Variants in ATF7IP observed in about 807,000 individuals in gnomAD.
ATF7IP encodes the protein activating transcription factor 7-interacting protein 1.
In ATF7IP, 23 loss-of-function variants were observed where a neutral mutation model predicts 106.4. The observed-to-expected ratio is 0.22, with a 90% CI of 0.16 to 0.31. The LOEUF (loss-of-function observed/expected upper bound fraction) is 0.31. ATF7IP is among the 10% of genes least tolerant of loss of function. The pLI, the probability that ATF7IP is intolerant of heterozygous loss-of-function variation, is 1.00. For missense variants in ATF7IP, 1,334 were observed against 1,524.3 expected (o/e 0.88, Z 2.08); for synonymous variants, 542 against 539.0 (o/e 1.01, Z -0.08).
chr12:14,496,492 T>G, intron 14 of ATF7IP, 149 bp downstream of exon 14: 1 of 596,046 alleles, frequency 1.7e-6, no homozygotes, highest in East Asian at 2.9e-5. Flanking sequence ...AAATTGATCT[T>G]ACCATTATGA....
At chr12:14,438,368 T>G in intron 5 of ATF7IP, 101 bp downstream of exon 5, 1 of 1,135,908 alleles carries the variant, frequency 8.8e-7, no homozygotes, top group Non-Finnish European at 1.2e-6. Context: ...ACATTTAAAT[T>G]CTAAATGTAA....
intron 4 of ATF7IP, among the ~76,000 whole-genome samples, chr12:14,436,696 AAAT>A (rs1403693925): frequency 1.3e-5 from 2 of 152,164 alleles, no homozygotes; most frequent in Non-Finnish European, 2.9e-5. Flanking sequence ...CATCTCAAAA[AAAT>A]AATAAATAAA....
intron 1 of ATF7IP, among the ~76,000 whole-genome samples, chr12:14,409,449 T>A (rs1051629832): frequency 6.6e-6 from 1 of 152,174 alleles, no homozygotes; most frequent in African/African-American, 2.4e-5. Context: ...CTTTCTAGTC[T>A]TTCTGGTAAA....
chr12:14,421,200 C>T (rs192913883), intron 1 of ATF7IP, among the ~76,000 whole-genome samples: 1 of 152,158 alleles, frequency 6.6e-6, no homozygotes, highest in East Asian at 1.9e-4. Context: ...TCCTTGTATT[C>T]TTAGTTTCTG....
At chr12:14,386,528 C>CT (rs34326949) in intron 1 of ATF7IP, among the ~76,000 whole-genome samples, 2 of 151,992 alleles carry the variant, frequency 1.3e-5, no homozygotes, top group Non-Finnish European at 2.9e-5. Flanking sequence ...AAAACAGAAA[C>CT]TTTTTGCATG....
chr12:14,370,724 A>T (rs2136392358), intron 1 of ATF7IP, among the ~76,000 whole-genome samples: 1 of 152,210 alleles, frequency 6.6e-6, no homozygotes, highest in African/African-American at 2.4e-5. Context: ...TGCAGCTATA[A>T]TTTTAGTAGG....
chr12:14,397,329 A>T (rs1303472115), intron 1 of ATF7IP, among the ~76,000 whole-genome samples: 1 of 152,234 alleles, frequency 6.6e-6, no homozygotes, highest in Non-Finnish European at 1.5e-5. Context: ...TTAAGAAAGA[A>T]AATGTATTTA....
rs1943608158 is a variant in ATF7IP, at chr12:14,460,823, C to T, written c.2487C>T (p.Thr829=). The T allele has an allele frequency of 2.5e-6, 4 of 1,614,028 alleles. No individual in the cohort carries two copies. The highest frequency in any genetic ancestry group is 3.4e-6 in the Non-Finnish European group (4 of 1,180,032). The part of the protein sequence containing the change: ...VQSPPTVSGL[T]KNPVSLPSLP... ...GCCCACCTACAGTGAGTGGTCTTAC[C>T]AAAAATCCAGTATCCTTGCCATCCT... Residue 829 remains threonine (T), a synonymous_variant, in exon 9 of 15, where the codon ACC becomes ACT. Transcript: ENST00000261168.
At chr12:14,490,956 T>C (rs1456278509) in intron 13 of ATF7IP, among the ~76,000 whole-genome samples, 2 of 152,128 alleles carry the variant, frequency 1.3e-5, no homozygotes, top group East Asian at 3.9e-4. Context: ...AAAGCCCCTT[T>C]AACAGGCCAA....
At chr12:14,378,916 G>A (rs961054068) in intron 1 of ATF7IP, among the ~76,000 whole-genome samples, 1 of 152,126 alleles carries the variant, frequency 6.6e-6, no homozygotes, top group African/African-American at 2.4e-5. Context: ...CAGGTATGGT[G>A]GCAGCAAAAA....
Position 14,460,910 on chromosome 12 carries a change from C to G in ATF7IP, c.2574C>G (p.Asn858Lys). 1 of 1,614,170 alleles carries G rather than the reference C, an allele frequency of 6.2e-7. No individual in the cohort carries two copies. The highest frequency in any genetic ancestry group is 8.5e-7 in the Non-Finnish European group (1 of 1,180,042). ...TGCCCAGTCCTAGTATTCAAAGGAACCCTACTGCCAGTGCTGCACCATTGG... is the reference window on the plus strand; with the variant it reads ...TGCCCAGTCCTAGTATTCAAAGGAAGCCTACTGCCAGTGCTGCACCATTGG... ...PSVPSPSIQR[N>K]PTASAAPLGT... Residue 858 changes from asparagine to lysine, a missense_variant, in exon 9 of 15, where the codon AAC becomes AAG. This residue lies in a region of ATF7IP where 370 missense variants were observed against 401.2 expected (regional missense o/e 0.92). Transcript: ENST00000261168.
At position 14,431,393 on chromosome 12, in the gene ATF7IP, AC is replaced by A. The variant is rs569073389; in HGVS notation, c.1559-2943del. Reference sequence around the variant, plus strand: ...TAAGTAAGGACAGATTCTAAAAAAAACATTCTTTTTTTTTTTTTTGAGATGG... The same window carrying A: ...TAAGTAAGGACAGATTCTAAAAAAAAATTCTTTTTTTTTTTTTTGAGATGG... On this transcript the variant is annotated intron_variant, in intron 2 of 14. Coordinates refer to ENST00000261168, the MANE Select transcript of ATF7IP (RefSeq NM_018179.5). 4.4e-3 allele frequency among the ~76,000 whole-genome samples: 657 copies of A among 150,890 alleles called. 4 individuals carry two copies. Among genetic ancestry groups the A allele is most frequent in the African/African-American group, 0.016 (629 of 40,580 alleles).
intron 1 of ATF7IP, among the ~76,000 whole-genome samples, chr12:14,409,890 A>G (rs1940811017): frequency 6.6e-6 from 1 of 152,104 alleles, no homozygotes. Flanking sequence ...CACTCAACTG[A>G]AGTTCTGCTA....
chr12:14,412,198 T>C (rs189407100), intron 1 of ATF7IP, among the ~76,000 whole-genome samples: 74 of 152,332 alleles, frequency 4.9e-4, no homozygotes, highest in African/African-American at 1.5e-3. Context: ...GTAATAACTT[T>C]TAAAAATGCA....
chr12:14,379,064 A>T (rs1938890016), intron 1 of ATF7IP, among the ~76,000 whole-genome samples: 1 of 152,204 alleles, frequency 6.6e-6, no homozygotes, highest in Non-Finnish European at 1.5e-5. Context: ...CCCAAATCTA[A>T]TGTTAAATCA....
intron 7 of ATF7IP, 91 bp downstream of exon 7, chr12:14,456,725 A>G (rs1943440006): frequency 3.3e-6 from 3 of 907,720 alleles, no homozygotes; most frequent in Non-Finnish European, 5.1e-6. Context: ...TAATCATGGT[A>G]TTTATGTAGA....
At chr12:14,394,021 A>G (rs544559858) in intron 1 of ATF7IP, among the ~76,000 whole-genome samples, 1 of 152,218 alleles carries the variant, frequency 6.6e-6, no homozygotes, top group African/African-American at 2.4e-5. Context: ...CTAGGTTTTT[A>G]TACTCAGCAC....
Position 14,383,936 on chromosome 12 carries a change from T to G in ATF7IP, c.-8+18109T>G, listed in dbSNP as rs1257112556. ...TTTTAAAGAATTAATATGGCTTGGA[T>G]CAAGTTTAACTTTTTTTTTCTGATA... is the stretch of plus-strand genomic sequence containing the variant. On this transcript the variant is annotated intron_variant, in intron 1 of 14. Coordinates refer to ENST00000261168, the MANE Select transcript of ATF7IP (RefSeq NM_018179.5). 2.0e-5 allele frequency among the ~76,000 whole-genome samples: 3 copies of G among 152,186 alleles called. No individual in the cohort carries two copies. In the East Asian group the frequency reaches 5.8e-4, roughly 29 times the overall value.
chr12:14,415,831 A>G (rs1941174400), intron 1 of ATF7IP, among the ~76,000 whole-genome samples: 2 of 152,138 alleles, frequency 1.3e-5, no homozygotes, highest in Admixed American at 1.3e-4. Context: ...GGTAATTTAA[A>G]GATAATTTAA....
Sources: allele counts gnomAD v4.1 joint callset (sites outside exome capture counted in the v4.1 genomes callset), GRCh38; gene constraint gnomAD v4.1.1; regional missense constraint gnomAD v4.1.1; transcripts MANE v1.5; gene names NCBI Gene and HGNC (gene_info 2026-07-23, HGNC 2026-07-21).